SGSM1: variants seen among roughly 807,000 people sequenced by gnomAD.
The protein encoded by SGSM1 is RUN and TBC1 domain containing 2.
SGSM1 carries 73 observed loss-of-function variants against 133.8 expected under a neutral mutation model. The observed-to-expected ratio is 0.55, with a 90% CI of 0.45 to 0.66. The LOEUF (loss-of-function observed/expected upper bound fraction) is 0.66. SGSM1 is among the 30% of genes least tolerant of loss of function. SGSM1 has a pLI of 0.00. For missense variants in SGSM1, 1,213 were observed against 1,448.1 expected (o/e 0.84, Z 2.64); for synonymous variants, 563 against 573.0 (o/e 0.98, Z 0.25).
At chr22:24,837,232 A>T (rs1929484550) in intron 2 of SGSM1, among the ~76,000 whole-genome samples, 1 of 152,190 alleles carries the variant, frequency 6.6e-6, no homozygotes, top group South Asian at 2.1e-4. Flanking sequence ...ACCTCCAATG[A>T]TAGGTAAGGT....
chr22:24,898,024 A>T lies in SGSM1; in HGVS notation c.2075A>T (p.Glu692Val). 6.2e-7 allele frequency: 1 copy of T among 1,613,000 alleles called. No homozygotes were observed. The highest frequency in any genetic ancestry group is 1.1e-5 in the South Asian group (1 of 90,844). The change falls in exon 19 of 25, where the codon GAG becomes GTG. Residue 692 changes from glutamate to valine, a missense_variant. Transcript: ENST00000400358. ...VEQVEAEGRLEEKQPKIPNGN... is the reference protein window; with the variant it reads ...VEQVEAEGRLVEKQPKIPNGN... ...CAGGTGGAGGCTGAAGGCAGATTGG[A>T]GGAGAAACAGCCCAAGATCCCCAAT...
intron 3 of SGSM1, among the ~76,000 whole-genome samples, chr22:24,845,573 G>A (rs1466873991): frequency 6.6e-6 from 1 of 152,184 alleles, no homozygotes; most frequent in Non-Finnish European, 1.5e-5. Flanking sequence ...GAGTCTTTCT[G>A]TCTCCCTGAA....
intron 17 of SGSM1, among the ~76,000 whole-genome samples, chr22:24,894,702 G>A (rs769207116): frequency 2.6e-5 from 4 of 152,274 alleles, no homozygotes; most frequent in South Asian, 2.1e-4. Flanking sequence ...GTGCTCTCAC[G>A]GTGAAAGCAG....
At chr22:24,859,585 T>G (rs1485791918) in intron 8 of SGSM1, 131 bp from the exon 9 acceptor site, 1 of 1,283,634 alleles carries the variant, frequency 7.8e-7, no homozygotes, top group Admixed American at 2.0e-5. Flanking sequence ...GTCTTCCACA[T>G]GGCCAGGGCC....
At chr22:24,826,590 A>G (rs1234418084) in intron 2 of SGSM1, among the ~76,000 whole-genome samples, 2 of 152,160 alleles carry the variant, frequency 1.3e-5, no homozygotes, top group Non-Finnish European at 2.9e-5. Context: ...CATGGGAGAG[A>G]TGGATGCTAA....
At chr22:24,836,351 C>A (rs1012705268) in intron 2 of SGSM1, among the ~76,000 whole-genome samples, 1 of 152,206 alleles carries the variant, frequency 6.6e-6, no homozygotes, top group Non-Finnish European at 1.5e-5. Flanking sequence ...TCCATTCAGC[C>A]ATCGAAGGAC....
intron 8 of SGSM1, among the ~76,000 whole-genome samples, chr22:24,858,635 C>CAAAAAAAAAAAAAAAAAAAAAAAAA: frequency 1.2e-5 from 1 of 83,032 alleles, no homozygotes; most frequent in African/African-American, 3.6e-5. Context: ...GACTCCATCT[C>CAAAAAAAAAAAAAAAAAAAAAAAAA]AAAAAAAAAA....
At position 24,811,823 on chromosome 22, in the gene SGSM1, C is replaced by T. The variant is rs8136750; in HGVS notation, c.63+5339C>T. On this transcript the variant is annotated intron_variant, in intron 2 of 24. Coordinates refer to ENST00000400358, the MANE Select transcript of SGSM1 (RefSeq NM_001098497.3). ...AGTTGAGGCTGCAGTGAGCTGTGAT[C>T]GCATCACTGCACTTCAGCCAAGGCA... Among the ~76,000 whole-genome samples the T allele has an allele frequency of 8.4e-3, 1,247 of 149,060 alleles. 19 individuals are homozygous for T. Among genetic ancestry groups the T allele is most frequent in the African/African-American group, 0.029 (1,172 of 40,292 alleles).
intron 3 of SGSM1, among the ~76,000 whole-genome samples, chr22:24,846,679 A>G (rs1331326140): frequency 6.6e-6 from 1 of 152,200 alleles, no homozygotes; most frequent in Non-Finnish European, 1.5e-5. Flanking sequence ...GGATTAAACT[A>G]TGTCTACAAA....
At chr22:24,819,459 T>C (rs2147791348) in intron 2 of SGSM1, among the ~76,000 whole-genome samples, 1 of 152,252 alleles carries the variant, frequency 6.6e-6, no homozygotes, top group South Asian at 2.1e-4. Context: ...GTGTATGTAA[T>C]GTCAAAAGAG....
At chr22:24,909,439 A>T (rs552795285) in intron 21 of SGSM1, among the ~76,000 whole-genome samples, 1 of 150,094 alleles carries the variant, frequency 6.7e-6, no homozygotes, top group Non-Finnish European at 1.5e-5. Context: ...TGGCCACTTT[A>T]TTATTTATTT....
chr22:24,860,917 AAAAAAATAT>A (rs1437814824), intron 9 of SGSM1, among the ~76,000 whole-genome samples: 19 of 105,334 alleles, frequency 1.8e-4, no homozygotes, highest in African/African-American at 6.9e-4. Context: ...AAAAAAAAAA[AAAAAAATAT>A]ATATATATAT....
intron 18 of SGSM1, among the ~76,000 whole-genome samples, chr22:24,897,073 T>C (rs1932933591): frequency 6.6e-6 from 1 of 151,882 alleles, no homozygotes; most frequent in Non-Finnish European, 1.5e-5. Flanking sequence ...GATTCCCTAG[T>C]ACCCCCTTCT....
intron 3 of SGSM1, among the ~76,000 whole-genome samples, chr22:24,847,066 T>C (rs1930191423): frequency 6.6e-6 from 1 of 152,076 alleles, no homozygotes; most frequent in Non-Finnish European, 1.5e-5. Flanking sequence ...GGTCTCGATC[T>C]CCTGACCTCG....
chr22:24,887,107 T>TTGTGTGTGTGTGTG (rs60431385), intron 16 of SGSM1, among the ~76,000 whole-genome samples: 7,526 of 145,186 alleles, frequency 0.052, 249 homozygotes, highest in Non-Finnish European at 0.065. Flanking sequence ...TTGTACTTAT[T>TTGTGTGTGTGTGTG]TGTGTGTGTG....
rs1438826598 is a variant in SGSM1 at position 24,886,737 on chromosome 22, C to T, written c.1770+9C>T. On this transcript the variant is annotated intron_variant, in intron 16 of 24. Coordinates refer to ENST00000400358, the MANE Select transcript of SGSM1 (RefSeq NM_001098497.3). ...AAACAGAAAGGAAAGAGGTCGGTTA[C>T]CTGCCATGGGCACTGGGATCTTTGG... 1 of 1,581,044 alleles carries T rather than the reference C, an allele frequency of 6.3e-7. No homozygotes were observed. The highest frequency in any genetic ancestry group is 2.3e-5 in the East Asian group (1 of 43,144).
At chr22:24,845,767 G>A (rs923897335) in intron 3 of SGSM1, among the ~76,000 whole-genome samples, 5 of 152,006 alleles carry the variant, frequency 3.3e-5, no homozygotes, top group African/African-American at 9.7e-5. Context: ...GCTGTGACCC[G>A]GGAGGCAAGG....
chr22:24,869,941 G>A (rs746349871), intron 12 of SGSM1, among the ~76,000 whole-genome samples: 1 of 152,228 alleles, frequency 6.6e-6, no homozygotes, highest in South Asian at 2.1e-4. Flanking sequence ...ATGGGTGTCT[G>A]TTAAACAAAT....
At chr22:24,906,116 AAATCAATC>A (rs1397839690) in intron 21 of SGSM1, among the ~76,000 whole-genome samples, 1 of 152,234 alleles carries the variant, frequency 6.6e-6, no homozygotes, top group Non-Finnish European at 1.5e-5. Flanking sequence ...TGACATGCAA[AAATCAATC>A]AATTTAATTC....
Sources: gnomAD v4.1 joint callset for allele counts (sites outside exome capture counted in the v4.1 genomes callset) on GRCh38, gnomAD v4.1.1 for gene constraint, MANE v1.5 for transcripts, NCBI Gene and HGNC (gene_info 2026-07-23, HGNC 2026-07-21) for gene names.